The following EXOC3L2 variants were observed in gnomAD, a reference collection of about 807,000 sequenced individuals.
The protein encoded by EXOC3L2 is exocyst complex component 3-like protein 2.
EXOC3L2 carries 17 observed loss-of-function variants against 44.4 expected under a neutral mutation model. That is an observed-to-expected ratio of 0.38 (90% CI 0.26 to 0.57). The LOEUF (loss-of-function observed/expected upper bound fraction) is 0.57. EXOC3L2 is among the 20% of genes least tolerant of loss of function. The pLI is 0.65. For synonymous variants in EXOC3L2, 256 were observed against 253.7 expected, an observed-to-expected ratio of 1.01 and a Z score of -0.09; for missense variants, 541 against 588.4, an observed-to-expected ratio of 0.92 and a Z score of 0.83.
chr19:45,226,747 C>CTTTTTTTTTTTTTTTTTTTTTTTTT (rs957385712), intron 7 of EXOC3L2, among the ~76,000 whole-genome samples: 1 of 90,670 alleles, frequency 1.1e-5, no homozygotes, highest in African/African-American at 6.1e-5. Flanking sequence ...ACTCCCATCT[C>CTTTTTTTTTTTTTTTTTTTTTTTTT]TTTTTTTTTT....
At chr19:45,235,171 T>C (rs116636754) in intron 2 of EXOC3L2, among the ~76,000 whole-genome samples, 3,007 of 152,112 alleles carry the variant, frequency 0.02, 98 homozygotes, top group African/African-American at 0.068. Flanking sequence ...CGTAGTGGCG[T>C]ACACCTATAA....
Position 45,219,865 on chromosome 19 carries a change from G to A in EXOC3L2, c.1720-1546C>T, listed in dbSNP as rs746401377. On this transcript the variant is annotated intron_variant, in intron 8 of 11. Transcript: ENST00000413988. ...TTTAAAAACCGTCTTTTGGCCAGGC[G>A]GATCTCATTGGAAAATTATTAAGGG... 5.3e-5 allele frequency among the ~76,000 whole-genome samples: 8 copies of A among 152,040 alleles called. No homozygotes were observed. The East Asian group carries it at 5.8e-4, about 11-fold the overall frequency.
At chr19:45,215,850 T>G (rs2122953708) in intron 11 of EXOC3L2, among the ~76,000 whole-genome samples, 1 of 152,170 alleles carries the variant, frequency 6.6e-6, no homozygotes, top group Admixed American at 6.5e-5. Flanking sequence ...TGTGACCGCC[T>G]GTTTGTTTGT....
intron 7 of EXOC3L2, among the ~76,000 whole-genome samples, chr19:45,227,333 G>T (rs975769786): frequency 6.6e-6 from 1 of 151,452 alleles, no homozygotes; most frequent in African/African-American, 2.4e-5. Context: ...GTGTTAGCCA[G>T]GATGGTCTCG....
intron 1 of EXOC3L2, among the ~76,000 whole-genome samples, chr19:45,241,400 C>T (rs1021345052): frequency 3.3e-5 from 5 of 150,230 alleles, no homozygotes; most frequent in Non-Finnish European, 5.9e-5. Context: ...ATGGCATGAA[C>T]GCGGAAGGCG....
intron 4 of EXOC3L2, among the ~76,000 whole-genome samples, chr19:45,229,702 G>A (rs181222539): frequency 0.02 from 3,042 of 149,458 alleles, 58 homozygotes; most frequent in Non-Finnish European, 0.027. Flanking sequence ...AAAATTAGCC[G>A]GGCATGGTGG....
intron 11 of EXOC3L2, among the ~76,000 whole-genome samples, chr19:45,214,685 G>A (rs187458474): frequency 0.012 from 1,751 of 151,686 alleles, 18 homozygotes; most frequent in South Asian, 0.022. Context: ...GGCTGGTCTC[G>A]AACTCCTGAC....
At chr19:45,218,828 T>C (rs1969866728) in intron 8 of EXOC3L2, among the ~76,000 whole-genome samples, 1 of 152,158 alleles carries the variant, frequency 6.6e-6, no homozygotes, top group Non-Finnish European at 1.5e-5. Flanking sequence ...CCGGGCACAG[T>C]GGTTCACACC....
intron 1 of EXOC3L2, among the ~76,000 whole-genome samples, chr19:45,243,692 C>T (rs1007575225): frequency 6.6e-5 from 10 of 151,038 alleles, no homozygotes; most frequent in African/African-American, 2.0e-4. Flanking sequence ...TGCAATGGCG[C>T]GATTTCAGCT....
intron 1 of EXOC3L2, among the ~76,000 whole-genome samples, chr19:45,241,618 C>T (rs1970132738): frequency 6.6e-6 from 1 of 152,194 alleles, no homozygotes; most frequent in Admixed American, 6.5e-5. Context: ...CTGCACACGT[C>T]ACTAGTGCTG....
chr19:45,228,277 G>A lies in EXOC3L2; in HGVS notation c.1270-11C>T. The stretch of plus-strand genomic sequence containing the variant: ...AGCCCGGGTCTGAGCCTACAGTAGG[G>A]AGAGGGGAGACAGGCAGGAGTTGGG... On this transcript the variant is annotated splice_polypyrimidine_tract_variant and intron_variant, in intron 4 of 11. Transcript: ENST00000413988. The A allele has an allele frequency of 1.2e-6, 2 of 1,613,248 alleles. No homozygotes were observed. The highest frequency in any genetic ancestry group is 1.7e-5 in the Admixed American group (1 of 59,900).
At chr19:45,237,167 G>A (rs970747715) in intron 2 of EXOC3L2, among the ~76,000 whole-genome samples, 2 of 152,078 alleles carry the variant, frequency 1.3e-5, no homozygotes, top group African/African-American at 4.8e-5. Flanking sequence ...TGGACCAGTT[G>A]GGGGTTGCCA....
At position 45,228,024 on chromosome 19, in the gene EXOC3L2, C is replaced by T. The variant is rs1969984837; in HGVS notation, c.1422G>A (p.Gly474=). Reference sequence around the variant, plus strand: ...CTAGGCAGCAGTGGGCCATCCGCTCCCCAAACTCCTGGCTGATGCGGGGTG... The same window carrying T: ...CTAGGCAGCAGTGGGCCATCCGCTCTCCAAACTCCTGGCTGATGCGGGGTG... ...ERAPRISQEF[G]ERMAHCCLGG... is the part of the protein sequence containing the mutation. Residue 474 remains glycine, a synonymous_variant, in exon 6 of 12, where the codon GGG becomes GGA. Coordinates refer to ENST00000413988, the MANE Select transcript of EXOC3L2 (RefSeq NM_001382422.1). 3 of 1,614,104 alleles carry T rather than the reference C, an allele frequency of 1.9e-6. No individual in the cohort carries two copies. The highest frequency in any genetic ancestry group is 2.5e-6 in the Non-Finnish European group (3 of 1,180,026).
chr19:45,245,104 G>A (rs73036519), intron 1 of EXOC3L2, among the ~76,000 whole-genome samples: 1 of 151,422 alleles, frequency 6.6e-6, no homozygotes, highest in Admixed American at 6.6e-5. Context: ...TGCACCCTTT[G>A]TGGACCCCGC....
At chr19:45,232,607 G>C (rs1314634721) in intron 3 of EXOC3L2, among the ~76,000 whole-genome samples, 1 of 152,094 alleles carries the variant, frequency 6.6e-6, no homozygotes, top group African/African-American at 2.4e-5. Context: ...CTTTTCTCTG[G>C]GGTAGACAGG....
At chr19:45,240,289 T>G (rs930326078) in intron 1 of EXOC3L2, among the ~76,000 whole-genome samples, 1 of 151,054 alleles carries the variant, frequency 6.6e-6, no homozygotes, top group Non-Finnish European at 1.5e-5. Context: ...ATTAATTTAT[T>G]TATTTATTTA....
chr19:45,212,885 C>T lies in EXOC3L2; in HGVS notation c.*184G>A. On this transcript the variant is annotated 3_prime_UTR_variant, in exon 12 of 12. Coordinates refer to ENST00000413988, the MANE Select transcript of EXOC3L2 (RefSeq NM_001382422.1). ...AAAGTGTTGGGATTACAGGCATGAG[C>T]CACCGTGCCTGGCGTTTGTTTCCCT... The T allele has an allele frequency of 3.2e-6, 2 of 617,638 alleles. No homozygotes were observed. The highest frequency in any genetic ancestry group is 5.0e-6 in the Non-Finnish European group (2 of 397,032). 38.3% of individuals were successfully genotyped at this position (617,638 alleles called of 1,614,324 possible).
At chr19:45,225,762 A>G (rs1041662798) in intron 7 of EXOC3L2, among the ~76,000 whole-genome samples, 1 of 151,730 alleles carries the variant, frequency 6.6e-6, no homozygotes, top group African/African-American at 2.4e-5. Flanking sequence ...AGCTGAGACT[A>G]CAGGCACCCG....
chr19:45,244,062 T>C (rs1970150738), intron 1 of EXOC3L2, among the ~76,000 whole-genome samples: 1 of 151,910 alleles, frequency 6.6e-6, no homozygotes, highest in East Asian at 1.9e-4. Flanking sequence ...TAGCTGGGAG[T>C]ACAAGTGCAA....
Sources: gnomAD v4.1 joint callset for allele counts (sites outside exome capture counted in the v4.1 genomes callset) on GRCh38, gnomAD v4.1.1 for gene constraint, MANE v1.5 for transcripts, NCBI Gene and HGNC (gene_info 2026-07-23, HGNC 2026-07-21) for gene names.